The following UBE4B variants were observed in gnomAD, a reference collection of about 807,000 sequenced individuals.
The protein encoded by UBE4B is ubiquitination factor E4B.
Under a neutral mutation model 148.1 loss-of-function variants are expected in UBE4B, and 27 were observed. That is an observed-to-expected ratio of 0.18 (90% confidence interval 0.13 to 0.25). UBE4B has a LOEUF of 0.25. Ranked by LOEUF, UBE4B falls within the 10% of genes least tolerant of loss-of-function variation. The pLI, the probability that UBE4B is intolerant of heterozygous loss-of-function variation, is 1.00. For synonymous variants in UBE4B, 596 were observed against 619.3 expected (o/e 0.96, Z 0.56); for missense variants, 1,170 against 1,662.4 (o/e 0.70, Z 5.15).
At position 10,134,985 on chromosome 1, in the gene UBE4B, C is replaced by T. The variant is rs746032621; in HGVS notation, c.2026-3C>T. ...AAATACTTTTTCTTTTCAACTTTCA[C>T]AGACAGATGATAGATTGGTGTCTAC... On this transcript the variant is annotated splice_polypyrimidine_tract_variant and splice_region_variant and intron_variant, in intron 15 of 27. Transcript: ENST00000343090. 8 of 1,613,226 alleles carry T rather than the reference C, an allele frequency of 5.0e-6. No individual in the cohort carries two copies. The highest frequency in any genetic ancestry group is 2.2e-5 in the East Asian group (1 of 44,870).
At chr1:10,158,290 G>A (rs1646106144) in intron 21 of UBE4B, 66 bp from the exon 22 acceptor site, 2 of 1,572,160 alleles carry the variant, frequency 1.3e-6, no homozygotes, top group South Asian at 1.1e-5. Flanking sequence ...TCATTGTTGG[G>A]GCAATAACTG....
intron 25 of UBE4B, among the ~76,000 whole-genome samples, chr1:10,174,277 C>A (rs1646382347): frequency 6.6e-6 from 1 of 151,756 alleles, no homozygotes. Context: ...GGCTGTAATT[C>A]CAGCTACTCG....
intron 3 of UBE4B, among the ~76,000 whole-genome samples, chr1:10,097,039 A>C (rs1465715226): frequency 2.1e-5 from 3 of 143,842 alleles, no homozygotes; most frequent in Admixed American, 6.9e-5. Flanking sequence ...ACTCTGCATC[A>C]AAAAAAAAAA....
intron 11 of UBE4B, among the ~76,000 whole-genome samples, chr1:10,127,851 T>C (rs1340701037): frequency 1.3e-5 from 2 of 152,238 alleles, no homozygotes; most frequent in Non-Finnish European, 2.9e-5. Context: ...GATACTGTGA[T>C]AAATGTTAAA....
At position 10,126,849 on chromosome 1, in the gene UBE4B, A is replaced by G; in HGVS notation, c.1610A>G (p.Asp537Gly). ...CTTGCTGCCAAAGAGTGCTCCCTCG[A>G]CAGTGACTACTTTAAATACCCCCTC... ...LALAAKECSL[D>G]SDYFKYPLMA... The change falls in exon 11 of 28, where the codon GAC (aspartate) becomes GGC (glycine). Residue 537 changes from aspartate to glycine, a missense_variant. By Grantham distance (94) the Asp-to-Gly change is moderately conservative. Around this residue, in one of 6 missense-constraint regions of UBE4B, gnomAD observed 388 missense variants for 536.0 expected, o/e 0.72. Transcript: ENST00000343090. 1 of 1,614,124 alleles carries G rather than the reference A, an allele frequency of 6.2e-7. No individual in the cohort carries two copies. The highest frequency in any genetic ancestry group is 8.5e-7 in the Non-Finnish European group (1 of 1,179,992).
At chr1:10,119,772 A>G (rs1001225679) in intron 9 of UBE4B, among the ~76,000 whole-genome samples, 159 bp downstream of exon 9, 1 of 152,224 alleles carries the variant, frequency 6.6e-6, no homozygotes, top group African/African-American at 2.4e-5. Context: ...ATGAAAATAA[A>G]CACTCCTTTC....
intron 12 of UBE4B, among the ~76,000 whole-genome samples, 174 bp from the exon 13 acceptor site, chr1:10,130,326 C>T (rs1335709954): frequency 2.0e-5 from 3 of 152,112 alleles, no homozygotes; most frequent in African/African-American, 7.2e-5. Flanking sequence ...CCACCCCCAC[C>T]CACACTGGCC....
At chr1:10,177,718 G>A (rs746089869) in intron 25 of UBE4B, among the ~76,000 whole-genome samples, 19 of 151,918 alleles carry the variant, frequency 1.3e-4, no homozygotes, top group South Asian at 1.0e-3. Flanking sequence ...CTTGTTTTGC[G>A]ATGGTGATAC....
chr1:10,110,064 T>C (rs1480617551), intron 7 of UBE4B, among the ~76,000 whole-genome samples: 2 of 152,188 alleles, frequency 1.3e-5, no homozygotes, highest in East Asian at 1.9e-4. Context: ...TTCTCATTGA[T>C]CTTCCCAGAA....
At chr1:10,147,115 C>T (rs374763737) in intron 19 of UBE4B, 25 bp downstream of exon 19, 5 of 1,613,844 alleles carry the variant, frequency 3.1e-6, no homozygotes, top group Non-Finnish European at 4.2e-6. Flanking sequence ...TCCTGTTTCC[C>T]TTGTCCCTCC....
At chr1:10,095,710 C>T (rs1439770418) in intron 3 of UBE4B, 114 bp downstream of exon 3, 1 of 1,177,764 alleles carries the variant, frequency 8.5e-7, no homozygotes, top group African/African-American at 1.5e-5. Context: ...CATGCCAGTC[C>T]TTAGCAAATT....
At chr1:10,119,348 G>A (rs1481966826) in intron 8 of UBE4B, among the ~76,000 whole-genome samples, 165 bp from the exon 9 acceptor site, 2 of 152,202 alleles carry the variant, frequency 1.3e-5, no homozygotes, top group Non-Finnish European at 1.5e-5. Flanking sequence ...TTCTGCAGAG[G>A]CAGTACACTT....
chr1:10,068,332 GTTTTC>G lies in UBE4B; in HGVS notation c.25-3686_25-3682del, dbSNP rs1235414962. On this transcript the variant is annotated intron_variant, in intron 1 of 27. Transcript: ENST00000343090. ...AGCATGAGCCACTGCACCTGGCACA[GTTTTC>G]TTTTCTTTTTTCTTTTTCTTTTTTT... Among the ~76,000 whole-genome samples the G allele has an allele frequency of 4.6e-3, 693 of 150,280 alleles. 3 individuals are homozygous for G. Among genetic ancestry groups the G allele is most frequent in the Middle Eastern group, 0.01 (3 of 288 alleles).
chr1:10,103,131 G>C, intron 5 of UBE4B, 39 bp downstream of exon 5: 2 of 1,536,360 alleles, frequency 1.3e-6, no homozygotes, highest in Non-Finnish European at 1.8e-6. Context: ...CAGAGTACTC[G>C]ACAAGAAAAT....
chr1:10,097,447 A>AT (rs1644946710), intron 3 of UBE4B, among the ~76,000 whole-genome samples: 1 of 152,142 alleles, frequency 6.6e-6, no homozygotes, highest in African/African-American at 2.4e-5. Context: ...CTTATTCCAC[A>AT]TTTTTTTCTC....
chr1:10,179,157 C>T lies in UBE4B; in HGVS notation c.3701-259C>T, dbSNP rs963641605. 58 of 498,652 alleles carry T rather than the reference C, an allele frequency of 1.2e-4. 1 individual carries two copies. In the South Asian group the frequency reaches 1.8e-3, roughly 16 times the overall value. The allele number at this position is 498,652 out of a possible 1,614,324, so 30.9% of individuals were successfully genotyped here. ...CGTCCTCGCCACGGAGCCTGTGGGG[C>T]CTGCTGCTGGGTCTGTCCCAGGCTT... On this transcript the variant is annotated intron_variant, in intron 26 of 27. Coordinates refer to ENST00000343090, the MANE Select transcript of UBE4B (RefSeq NM_001105562.3).
rs912378369 is a variant in UBE4B at position 10,170,983 on chromosome 1, A to G, written c.3334-155A>G. The G allele has an allele frequency of 4.2e-5, 28 of 658,836 alleles. No individual in the cohort carries two copies. In the South Asian group the frequency reaches 6.3e-4, roughly 15 times the overall value. 40.8% of individuals were successfully genotyped at this position (658,836 alleles called of 1,614,324 possible). A position where few individuals can be genotyped will look rare whatever the true frequency, so the allele number is the denominator to read the frequency against. ...AAATGGGGAGTAAAGTTGAAATATA[A>G]TGTTGTCTTTCTTCAGCTTATGATA... On this transcript the variant is annotated intron_variant, in intron 24 of 27. Transcript: ENST00000343090.
chr1:10,094,722 C>T (rs1004202701), intron 2 of UBE4B, among the ~76,000 whole-genome samples: 1 of 152,096 alleles, frequency 6.6e-6, no homozygotes, highest in Admixed American at 6.6e-5. Flanking sequence ...GTGTGAGCCA[C>T]CACACCCAGC....
chr1:10,145,863 A>G (rs1361134607), intron 18 of UBE4B, among the ~76,000 whole-genome samples: 1 of 152,224 alleles, frequency 6.6e-6, no homozygotes, highest in African/African-American at 2.4e-5. Context: ...AGACATAGCT[A>G]AAAACATATG....
Sources: gnomAD v4.1 joint callset for allele counts (sites outside exome capture counted in the v4.1 genomes callset) on GRCh38, gnomAD v4.1.1 for gene constraint, gnomAD v4.1.1 regional missense constraint, MANE v1.5 for transcripts, NCBI Gene and HGNC (gene_info 2026-07-23, HGNC 2026-07-21) for gene names.